Variants in TGIF1 observed in about 807,000 individuals in gnomAD.
TGIF1 encodes the protein TGFB induced factor homeobox 1, also known as homeobox protein TGIF1.
Under a neutral mutation model 19.3 loss-of-function variants are expected in TGIF1, and 4 were observed. That is an observed-to-expected ratio of 0.21 (90% CI 0.10 to 0.47). The LOEUF is 0.47. Ranked by LOEUF, TGIF1 falls within the 20% of genes least tolerant of loss-of-function variation. The pLI is 0.98. For missense variants in TGIF1, 275 were observed against 341.4 expected (o/e 0.81, Z 1.53); for synonymous variants, 122 against 129.3 (o/e 0.94, Z 0.38).
intron 2 of TGIF1, among the ~76,000 whole-genome samples, chr18:3,424,133 G>A (rs951716847): frequency 1.3e-5 from 2 of 152,118 alleles, no homozygotes; most frequent in African/African-American, 4.8e-5. Flanking sequence ...CCTAATTAAT[G>A]TAGGTTTATG....
intron 2 of TGIF1, among the ~76,000 whole-genome samples, chr18:3,430,612 C>T (rs546371632): frequency 1.3e-5 from 2 of 152,102 alleles, no homozygotes; most frequent in East Asian, 3.9e-4. Context: ...TCAAGCAATC[C>T]TCCCACCTCA....
chr18:3,451,862 GTC>G lies in TGIF1; in HGVS notation c.16+1358_16+1359del. The G allele has an allele frequency of 7.1e-7, 1 of 1,410,264 alleles. No homozygotes were observed. Among genetic ancestry groups the G allele is most frequent in the South Asian group, 1.8e-5 (1 of 56,044 alleles). 87.4% of individuals were successfully genotyped at this position (1,410,264 alleles called of 1,614,324 possible). Reference sequence around the variant, plus strand: ...CCCTGGGAGAAAACGCGCGGGGGGCGTCCGAGACGCCCCGTGAAAGCCGTGCC... The same window carrying G: ...CCCTGGGAGAAAACGCGCGGGGGGCGCGAGACGCCCCGTGAAAGCCGTGCC... On this transcript the variant is annotated intron_variant, in intron 1 of 2. Transcript: ENST00000343820. This position sits in a 1 kb window ranked among gnomAD's most constrained non-coding sequence, Gnocchi z 5.4.
In TGIF1 at chr18:3,456,783, A is replaced by G. The variant is rs1405064710; in HGVS notation, c.243+203A>G. ...ACTTGACAGTCATCTATCAGATAGC[A>G]TTTCCTTTAATGCCTAAAAGAACCT... On this transcript the variant is annotated intron_variant, in intron 2 of 2. Coordinates refer to ENST00000343820, the MANE Select transcript of TGIF1 (RefSeq NM_003244.4). This position sits in a 1 kb window ranked among gnomAD's most constrained non-coding sequence, Gnocchi z 4.2. The G allele has an allele frequency of 1.2e-5, 8 of 677,394 alleles. No individual in the cohort carries two copies. In the Admixed American group the frequency reaches 1.8e-4, roughly 15 times the overall value. 42.0% of individuals were successfully genotyped at this position (677,394 alleles called of 1,614,324 possible).
rs1250973460 is a variant in TGIF1 at position 3,456,715 on chromosome 18, A to G, written c.243+135A>G. ...AATATCTTTTTATTGTAAACTTGAT[A>G]GTGTTAAAAGCTAATAACTAGCTAT... On this transcript the variant is annotated intron_variant, in intron 2 of 2. Coordinates refer to ENST00000343820, the MANE Select transcript of TGIF1 (RefSeq NM_003244.4). The surrounding 1 kb of genome is among the most constrained non-coding windows in gnomAD (Gnocchi z 4.2). 3 of 822,718 alleles carry G rather than the reference A, an allele frequency of 3.6e-6. No homozygotes were observed. The highest frequency in any genetic ancestry group is 3.4e-5 in the African/African-American group (2 of 59,352). The allele number at this position is 822,718 out of a possible 1,614,324, so 51.0% of individuals were successfully genotyped here. A position where few individuals can be genotyped will look rare whatever the true frequency, so the allele number is the denominator to read the frequency against.
At chr18:3,452,146 C>G (rs2082972589) in intron 1 of TGIF1, 1 of 1,613,936 alleles carries the variant, frequency 6.2e-7, no homozygotes, top group Non-Finnish European at 8.5e-7. Context: ...TCCCGCGGCA[C>G]TTTGGCCTAC....
chr18:3,444,815 G>GA (rs370271366), intron 2 of TGIF1, among the ~76,000 whole-genome samples: 4 of 152,208 alleles, frequency 2.6e-5, no homozygotes, highest in Admixed American at 2.6e-4. Flanking sequence ...AGGTCAGAGG[G>GA]AAAAAACCAA....
chr18:3,413,460 C>T (rs921432327), intron 1 of TGIF1, among the ~76,000 whole-genome samples: 12 of 152,194 alleles, frequency 7.9e-5, no homozygotes, highest in African/African-American at 2.7e-4. Context: ...TTGAAACTTT[C>T]AGGAAAATGA....
intron 2 of TGIF1, among the ~76,000 whole-genome samples, chr18:3,426,406 C>T (rs371394515): frequency 6.6e-6 from 1 of 151,972 alleles, no homozygotes; most frequent in Non-Finnish European, 1.5e-5. Flanking sequence ...TGACCTCCAG[C>T]GATCCGCCTG....
rs2082860482 is a variant in TGIF1, at chr18:3,450,224, G to A, written c.-266G>A. The stretch of plus-strand genomic sequence containing the variant: ...CAGGAGCAGGGAACAAAGGAGCGGA[G>A]AGGGGAGGGGAGAGAGTTGGGCGAG... On this transcript the variant is annotated 5_prime_UTR_variant, in exon 1 of 3. Transcript: ENST00000343820. The A allele has an allele frequency of 1.4e-6, 2 of 1,410,646 alleles. No homozygotes were observed. The highest frequency in any genetic ancestry group is 9.2e-7 in the Non-Finnish European group (1 of 1,085,816). 87.4% of individuals were successfully genotyped at this position (1,410,646 alleles called of 1,614,324 possible).
At chr18:3,455,635 A>G (rs894236246) in intron 1 of TGIF1, 2 of 152,592 alleles carry the variant, frequency 1.3e-5, no homozygotes, top group Non-Finnish European at 1.5e-5. Context: ...TTTTTGTGTG[A>G]TGAAACTGAA....
At chr18:3,437,842 G>C (rs1158713461) in intron 2 of TGIF1, among the ~76,000 whole-genome samples, 1 of 152,198 alleles carries the variant, frequency 6.6e-6, no homozygotes, top group Non-Finnish European at 1.5e-5. Context: ...CCAGCACTTT[G>C]GGAGGCCAAG....
At chr18:3,449,796 G>A (rs971368197), upstream of TGIF1, 128 of 985,530 alleles carry the variant, frequency 1.3e-4, no homozygotes, top group Non-Finnish European at 1.5e-4. Flanking sequence ...CTTCCCGGGG[G>A]TGGAGGAGGG....
chr18:3,412,398 A>G (rs982268818), intron 1 of TGIF1: 3 of 152,202 alleles, frequency 2.0e-5, no homozygotes, highest in African/African-American at 7.2e-5. Context: ...CTGAACTTCA[A>G]ATGGACCACA....
intron 1 of TGIF1, among the ~76,000 whole-genome samples, chr18:3,417,933 T>C (rs1017576759): frequency 2.6e-5 from 4 of 151,396 alleles, no homozygotes; most frequent in Admixed American, 2.0e-4. Flanking sequence ...ACCCCATCTC[T>C]ACAAAAAAAA....
At position 3,451,885 on chromosome 18, in the gene TGIF1, G is replaced by C. The variant is rs1408680526; in HGVS notation, c.16+1380G>C. 3 of 1,458,666 alleles carry C rather than the reference G, an allele frequency of 2.1e-6. No individual in the cohort carries two copies. The highest frequency in any genetic ancestry group is 2.7e-6 in the Non-Finnish European group (3 of 1,105,670). The allele number at this position is 1,458,666 out of a possible 1,614,324, so 90.4% of individuals were successfully genotyped here. A position where few individuals can be genotyped will look rare whatever the true frequency, so the allele number is the denominator to read the frequency against. On this transcript the variant is annotated intron_variant, in intron 1 of 2. Transcript: ENST00000343820. The surrounding 1 kb of genome is among the most constrained non-coding windows in gnomAD (Gnocchi z 5.4). ...GCGTCCGAGACGCCCCGTGAAAGCCGTGCCGACCCTTGGGAGGACTGACAG... is the reference window on the plus strand; with the variant it reads ...GCGTCCGAGACGCCCCGTGAAAGCCCTGCCGACCCTTGGGAGGACTGACAG...
At chr18:3,439,975 C>T (rs573309230) in intron 2 of TGIF1, among the ~76,000 whole-genome samples, 3 of 150,564 alleles carry the variant, frequency 2.0e-5, no homozygotes, top group Non-Finnish European at 3.0e-5. Context: ...GAGCCAAGAT[C>T]GAACCACTGC....
At chr18:3,442,801 T>A (rs940955917) in intron 2 of TGIF1, among the ~76,000 whole-genome samples, 1 of 152,124 alleles carries the variant, frequency 6.6e-6, no homozygotes, top group Admixed American at 6.6e-5. Context: ...GACTAATACA[T>A]ACACAAAAAT....
At chr18:3,446,700 C>T (rs2082752268), upstream of TGIF1, among the ~76,000 whole-genome samples, 1 of 152,176 alleles carries the variant, frequency 6.6e-6, no homozygotes, top group African/African-American at 2.4e-5. Flanking sequence ...TGGCTCTAGG[C>T]CACCCCAGGT....
At chr18:3,419,132 A>G (rs1233575814) in intron 2 of TGIF1, among the ~76,000 whole-genome samples, 1 of 152,246 alleles carries the variant, frequency 6.6e-6, no homozygotes, top group Non-Finnish European at 1.5e-5. Flanking sequence ...ATAAATAAAA[A>G]GATTAGGACA....
Sources: allele counts gnomAD v4.1 joint callset (sites outside exome capture counted in the v4.1 genomes callset), GRCh38; gene constraint gnomAD v4.1.1; non-coding constraint Gnocchi (gnomAD v3.1); transcripts MANE v1.5; gene names NCBI Gene and HGNC (gene_info 2026-07-23, HGNC 2026-07-21).